DYNC2H1: variants seen among roughly 807,000 people sequenced by gnomAD.
The protein encoded by DYNC2H1 is dynein cytoplasmic 2 heavy chain 1.
In DYNC2H1, 410 loss-of-function variants were observed where a neutral mutation model predicts 570.0. The ratio of observed to expected loss-of-function variants is 0.72; its 90% confidence interval spans 0.66 to 0.78. The LOEUF is 0.78. Ranked by LOEUF, DYNC2H1 falls within the 30% of genes least tolerant of loss-of-function variation. DYNC2H1 has a pLI of 0.00. For missense variants in DYNC2H1, 4,865 were observed against 5,046.4 expected (o/e 0.96, Z 1.09); for synonymous variants, 1,688 against 1,677.6 (o/e 1.01, Z -0.15).
chr11:103,321,325 A>G, intron 81 of DYNC2H1, 88 bp downstream of exon 81: 1 of 1,168,658 alleles, frequency 8.6e-7, no homozygotes, highest in Admixed American at 2.0e-5. Context: ...CTTCTTTTCA[A>G]ATGCACAAGT....
intron 83 of DYNC2H1, among the ~76,000 whole-genome samples, chr11:103,376,471 G>T (rs1298667726): frequency 6.6e-6 from 1 of 151,812 alleles, no homozygotes; most frequent in African/African-American, 2.4e-5. Context: ...TTGTGTATTT[G>T]TTGTAATTTC....
At chr11:103,116,910 A>T (rs1283393543) in intron 5 of DYNC2H1, among the ~76,000 whole-genome samples, 196 bp downstream of exon 5, 1 of 151,860 alleles carries the variant, frequency 6.6e-6, no homozygotes, top group Non-Finnish European at 1.5e-5. Flanking sequence ...TCTTTGAACC[A>T]TTGATATAAC....
intron 4 of DYNC2H1, 67 bp from the exon 5 acceptor site, chr11:103,116,503 A>G (rs549081421): frequency 1.6e-6 from 2 of 1,288,740 alleles, no homozygotes; most frequent in East Asian, 2.6e-5. Context: ...AGGCCTGGGA[A>G]CATTTTGATT....
intron 84 of DYNC2H1, chr11:103,407,355 C>T (rs11225775): frequency 6.6e-6 from 1 of 151,462 alleles, no homozygotes; most frequent in African/African-American, 2.4e-5. Flanking sequence ...TGGATTCTCA[C>T]GGGTAGGTTC....
chr11:103,386,655 C>G (rs1349720861), intron 83 of DYNC2H1, among the ~76,000 whole-genome samples: 1 of 152,104 alleles, frequency 6.6e-6, no homozygotes, highest in African/African-American at 2.4e-5. Context: ...CCACACTCCC[C>G]CCACCCCACA....
chr11:103,317,202 C>T (rs1012986013), intron 80 of DYNC2H1, among the ~76,000 whole-genome samples: 1 of 151,958 alleles, frequency 6.6e-6, no homozygotes, highest in Non-Finnish European at 1.5e-5. Context: ...TAATCTCAAA[C>T]TTAAAAATAT....
At chr11:103,178,384 G>A (rs772076942) in intron 38 of DYNC2H1, among the ~76,000 whole-genome samples, 35 of 151,936 alleles carry the variant, frequency 2.3e-4, no homozygotes, top group Non-Finnish European at 4.0e-4. Flanking sequence ...CATTGGAAGG[G>A]ATTTTCAATG....
chr11:103,391,921 C>G (rs573545309), intron 83 of DYNC2H1, among the ~76,000 whole-genome samples: 1 of 152,310 alleles, frequency 6.6e-6, no homozygotes, highest in African/African-American at 2.4e-5. Flanking sequence ...GGGGGTGCCT[C>G]CCAGTTAGGC....
rs1861180499 is a variant in DYNC2H1, at chr11:103,163,492, A to C, written c.4611+345A>C. 6.6e-6 allele frequency among the ~76,000 whole-genome samples: 1 copy of C among 152,158 alleles called. No homozygotes were observed. Among genetic ancestry groups the C allele is most frequent in the Admixed American group, 6.6e-5 (1 of 15,262 alleles). On this transcript the variant is annotated intron_variant, in intron 30 of 88. Transcript: ENST00000375735. This position sits in a 1 kb window ranked among gnomAD's most constrained non-coding sequence, Gnocchi z 4.6. ...ATCCCTCCCATGGGATCATCTAAGCATTGGAGCTGGCAGGAACTTAGCAGG... is the reference window on the plus strand; with the variant it reads ...ATCCCTCCCATGGGATCATCTAAGCCTTGGAGCTGGCAGGAACTTAGCAGG...
At chr11:103,462,934 A>G (rs894477420) in intron 87 of DYNC2H1, among the ~76,000 whole-genome samples, 3 of 152,240 alleles carry the variant, frequency 2.0e-5, no homozygotes, top group Non-Finnish European at 4.4e-5. Flanking sequence ...TACAAATTTC[A>G]GAGTACAGCT....
chr11:103,397,007 T>C (rs1157695491), intron 83 of DYNC2H1, among the ~76,000 whole-genome samples: 1 of 152,136 alleles, frequency 6.6e-6, no homozygotes, highest in Non-Finnish European at 1.5e-5. Context: ...AAAAAATACC[T>C]AAATAGTGCA....
chr11:103,378,368 G>A (rs1380727695), intron 83 of DYNC2H1, among the ~76,000 whole-genome samples: 1 of 152,094 alleles, frequency 6.6e-6, no homozygotes, highest in Non-Finnish European at 1.5e-5. Flanking sequence ...GGGACTGGCT[G>A]CCTTACTTTG....
At chr11:103,190,072 A>T (rs1862233306) in intron 45 of DYNC2H1, among the ~76,000 whole-genome samples, 1 of 152,118 alleles carries the variant, frequency 6.6e-6, no homozygotes, top group South Asian at 2.1e-4. Context: ...TGTCAGCTCA[A>T]ATTTTGCATA....
At chr11:103,320,938 C>T in intron 80 of DYNC2H1, 91 bp from the exon 81 acceptor site, 2 of 917,788 alleles carry the variant, frequency 2.2e-6, no homozygotes, top group Non-Finnish European at 3.3e-6. Context: ...GTATTAAATA[C>T]ATTTGGCTAC....
At chr11:103,240,621 A>G (rs981366899) in intron 63 of DYNC2H1, among the ~76,000 whole-genome samples, 5 of 152,192 alleles carry the variant, frequency 3.3e-5, no homozygotes, top group Admixed American at 2.0e-4. Flanking sequence ...CAAATATCTC[A>G]TGAATTCATC....
chr11:103,356,283 C>T (rs1298658035), intron 82 of DYNC2H1, among the ~76,000 whole-genome samples: 1 of 151,952 alleles, frequency 6.6e-6, no homozygotes, highest in South Asian at 2.1e-4. Context: ...AAGTTATAGC[C>T]CTGTCCTCAT....
At chr11:103,420,765 A>T (rs916226177) in intron 84 of DYNC2H1, among the ~76,000 whole-genome samples, 1 of 152,202 alleles carries the variant, frequency 6.6e-6, no homozygotes, top group African/African-American at 2.4e-5. Flanking sequence ...ACCAGCCACT[A>T]CAAAAACACA....
chr11:103,281,847 A>T (rs1451215410), intron 71 of DYNC2H1, among the ~76,000 whole-genome samples: 3 of 152,042 alleles, frequency 2.0e-5, no homozygotes, highest in Non-Finnish European at 4.4e-5. Flanking sequence ...ACTTCTACTT[A>T]TTAGCAACAA....
At chr11:103,117,151 A>G (rs949442465) in intron 5 of DYNC2H1, among the ~76,000 whole-genome samples, 2 of 148,580 alleles carry the variant, frequency 1.3e-5, no homozygotes, top group Non-Finnish European at 3.0e-5. Flanking sequence ...GCAATTAGGG[A>G]TTGTTTACAT....
Sources: allele counts gnomAD v4.1 joint callset (sites outside exome capture counted in the v4.1 genomes callset), GRCh38; gene constraint gnomAD v4.1.1; non-coding constraint Gnocchi (gnomAD v3.1); transcripts MANE v1.5; gene names NCBI Gene and HGNC (gene_info 2026-07-23, HGNC 2026-07-21).